SEL1L3: variants seen among roughly 807,000 people sequenced by gnomAD.
The protein encoded by SEL1L3 is SEL1L family member 3.
A neutral mutation model predicts 142.8 loss-of-function variants in SEL1L3; 76 were observed. That is an observed-to-expected ratio of 0.53 (90% CI 0.44 to 0.64). The LOEUF (loss-of-function observed/expected upper bound fraction) is 0.64. Ranked by LOEUF, SEL1L3 falls within the 30% of genes least tolerant of loss-of-function variation. The probability of loss-of-function intolerance (pLI) is 0.00; values close to 1 mark genes in which losing one functional copy is unlikely to be tolerated. For synonymous variants in SEL1L3, 504 were observed against 519.6 expected, an observed-to-expected ratio of 0.97 and a Z score of 0.41; for missense variants, 1,262 against 1,381.7, an observed-to-expected ratio of 0.91 and a Z score of 1.37.
At chr4:25,830,683 T>A (rs917261215) in intron 5 of SEL1L3, among the ~76,000 whole-genome samples, 2 of 152,330 alleles carry the variant, frequency 1.3e-5, no homozygotes, top group South Asian at 2.1e-4. Flanking sequence ...GCTCTTCTCA[T>A]GTCTTGGACT....
Position 25,847,437 on chromosome 4 carries a change from G to A in SEL1L3, c.590C>T (p.Ala197Val). ...CAGGAGGGTATAATTCTTTGCTACA[G>A]CATGGAGCAAGTTTTCCTCCCATTT... is the stretch of plus-strand genomic sequence containing the variant. ...NVKWEENLLH[A>V]VAKNYTLLQT... The change falls in exon 2 of 24, where the codon GCT becomes GTT. Residue 197 changes from alanine (A) to valine (V), a missense_variant. Physicochemically the swap from Ala to Val is moderately conservative, Grantham distance 64 (BLOSUM62 0). Coordinates refer to ENST00000399878, the MANE Select transcript of SEL1L3 (RefSeq NM_015187.5). 1 of 1,613,966 alleles carries A rather than the reference G, an allele frequency of 6.2e-7. No homozygotes were observed. Among genetic ancestry groups the A allele is most frequent in the Non-Finnish European group, 8.5e-7 (1 of 1,179,866 alleles).
intron 13 of SEL1L3, among the ~76,000 whole-genome samples, chr4:25,787,957 A>C (rs576238685): frequency 6.6e-6 from 1 of 152,372 alleles, no homozygotes; most frequent in East Asian, 1.9e-4. Context: ...AATCAATAAA[A>C]TACGGGTGTC....
chr4:25,817,730 G>A (rs1389284331), intron 9 of SEL1L3, among the ~76,000 whole-genome samples: 1 of 152,166 alleles, frequency 6.6e-6, no homozygotes, highest in Non-Finnish European at 1.5e-5. Flanking sequence ...AGTCTTGCCA[G>A]ATCTTTGTTT....
At chr4:25,775,979 C>T (rs1719588502) in intron 17 of SEL1L3, among the ~76,000 whole-genome samples, 1 of 152,100 alleles carries the variant, frequency 6.6e-6, no homozygotes, top group South Asian at 2.1e-4. Context: ...CCAGACCAGA[C>T]TCTAAAACCA....
the SEL1L3 span, among the ~76,000 whole-genome samples, chr4:25,738,178 C>T: frequency 2.6e-5 from 4 of 152,262 alleles, no homozygotes; most frequent in African/African-American, 7.2e-5. Context: ...CATGAGCCAC[C>T]ACACCCAGCT....
At chr4:25,755,432 G>T (rs1717890968) in intron 23 of SEL1L3, among the ~76,000 whole-genome samples, 1 of 152,014 alleles carries the variant, frequency 6.6e-6, no homozygotes. Context: ...ATTTGGGCAA[G>T]CTACTTCGCC....
rs1716621605 is a variant in SEL1L3 at position 25,847,685 on chromosome 4, T to C, written c.342A>G (p.Glu114=). 1.2e-6 allele frequency: 2 copies of C among 1,613,862 alleles called. No individual in the cohort carries two copies. The highest frequency in any genetic ancestry group is 1.7e-5 in the Admixed American group (1 of 60,004). Reference sequence around the variant, plus strand: ...TTCTGAACTCAGATGAAACAACTGCTTCCAAATTGACAACACAAGGCTGAG... The same window carrying C: ...TTCTGAACTCAGATGAAACAACTGCCTCCAAATTGACAACACAAGGCTGAG... ...LCSQPCVVNL[E]AVVSSEFRSS... The change falls in exon 2 of 24, where the codon GAA becomes GAG. Residue 114 remains glutamate (E), a synonymous_variant. Transcript: ENST00000399878.
chr4:25,767,161 G>A lies in SEL1L3; in HGVS notation c.2845+364C>T, dbSNP rs548450591. On this transcript the variant is annotated intron_variant, in intron 19 of 23. Coordinates refer to ENST00000399878, the MANE Select transcript of SEL1L3 (RefSeq NM_015187.5). ...ATACAAAAATTAGCTGGGCGTGGTC[G>A]TGGGCACCTGAAATCCCAGCTACTC... Among the ~76,000 whole-genome samples the A allele has an allele frequency of 4.6e-5, 7 of 152,164 alleles. No homozygotes were observed. In the South Asian group the frequency reaches 6.2e-4, roughly 14 times the overall value.
At chr4:25,775,591 GA>G (rs1009939976) in intron 17 of SEL1L3, among the ~76,000 whole-genome samples, 1 of 152,042 alleles carries the variant, frequency 6.6e-6, no homozygotes, top group African/African-American at 2.4e-5. Context: ...AGAACTGATA[GA>G]AAAAAATAAA....
Position 25,862,706 on chromosome 4 carries a change from G to T in SEL1L3, c.131C>A (p.Ser44Tyr). The T allele has an allele frequency of 7.7e-7, 1 of 1,301,126 alleles. No homozygotes were observed. Among genetic ancestry groups the T allele is most frequent in the South Asian group, 2.2e-5 (1 of 45,516 alleles). 80.6% of individuals were successfully genotyped at this position (1,301,126 alleles called of 1,614,324 possible). The change falls in exon 1 of 24, where the codon TCT (serine) becomes TAT (tyrosine). Residue 44 changes from serine (S) to tyrosine (Y), a missense_variant. Ser to Tyr is a moderately radical substitution (Grantham distance 144, BLOSUM62 -2). Coordinates refer to ENST00000399878, the MANE Select transcript of SEL1L3 (RefSeq NM_015187.5). ...GCAGAGCAGGAGCAGCGCGCAGGCA[G>T]AGCGGCCGCCGAGGCCCTGGGGGAC... ...GGVPQGLGGRSACALLLLCYL... is the reference protein window; with the variant it reads ...GGVPQGLGGRYACALLLLCYL...
intron 11 of SEL1L3, among the ~76,000 whole-genome samples, chr4:25,799,617 G>T (rs572111350): frequency 6.6e-6 from 1 of 152,252 alleles, no homozygotes; most frequent in African/African-American, 2.4e-5. Flanking sequence ...GGTGCACGTG[G>T]GGAGGAGAGA....
At chr4:25,736,435 G>T in the SEL1L3 span, among the ~76,000 whole-genome samples, 1 of 151,344 alleles carries the variant, frequency 6.6e-6, no homozygotes, top group Non-Finnish European at 1.5e-5. Flanking sequence ...TGTTGGCCAC[G>T]CTGGTCTCGA....
chr4:25,753,431 T>C (rs1263017380), intron 23 of SEL1L3, among the ~76,000 whole-genome samples: 1 of 152,218 alleles, frequency 6.6e-6, no homozygotes, highest in Admixed American at 6.5e-5. Flanking sequence ...TTACAGTCAG[T>C]CAGCACCCAG....
At chr4:25,809,985 A>G (rs1713907758) in intron 9 of SEL1L3, among the ~76,000 whole-genome samples, 2 of 152,186 alleles carry the variant, frequency 1.3e-5, no homozygotes, top group Admixed American at 1.3e-4. Flanking sequence ...TCCTTGGCGT[A>G]TTGTGTGGGG....
chr4:25,767,501 T>C (rs772552565), intron 19 of SEL1L3, 24 bp downstream of exon 19: 1 of 1,312,900 alleles, frequency 7.6e-7, no homozygotes, highest in Non-Finnish European at 1.1e-6. Context: ...ATGCTTCAAT[T>C]TTGCACCGTT....
At chr4:25,843,455 T>C (rs535506833) in intron 2 of SEL1L3, among the ~76,000 whole-genome samples, 2 of 151,946 alleles carry the variant, frequency 1.3e-5, no homozygotes, top group Non-Finnish European at 2.9e-5. Flanking sequence ...CAAAATAGAG[T>C]ATGACAGGAA....
intron 17 of SEL1L3, 22 bp downstream of exon 17, chr4:25,776,255 C>G (rs201085178): frequency 5.7e-4 from 889 of 1,569,568 alleles, no homozygotes; most frequent in Non-Finnish European, 7.4e-4. Flanking sequence ...AAAGTTTGCT[C>G]TAACGTGGAT....
chr4:25,769,852 G>A (rs757526183), intron 17 of SEL1L3, among the ~76,000 whole-genome samples: 7 of 152,170 alleles, frequency 4.6e-5, no homozygotes, highest in African/African-American at 1.2e-4. Flanking sequence ...CTGGCCAGGC[G>A]TGTGGTTGCT....
the SEL1L3 span, among the ~76,000 whole-genome samples, chr4:25,731,860 G>T: frequency 6.6e-6 from 1 of 152,072 alleles, no homozygotes; most frequent in Admixed American, 6.6e-5. Flanking sequence ...ATCACCTCAG[G>T]TCAGGGGTTT....
Sources: gnomAD v4.1 joint callset for allele counts (sites outside exome capture counted in the v4.1 genomes callset) on GRCh38, gnomAD v4.1.1 for gene constraint, MANE v1.5 for transcripts, NCBI Gene and HGNC (gene_info 2026-07-23, HGNC 2026-07-21) for gene names.